ATP10A: variants seen among roughly 807,000 people sequenced by gnomAD.
The protein encoded by ATP10A is ATPase phospholipid transporting 10A (putative), also known as phospholipid-transporting ATPase VA.
A neutral mutation model predicts 147.8 loss-of-function variants in ATP10A; 111 were observed. That is an observed-to-expected ratio of 0.75 (90% CI 0.64 to 0.88). ATP10A has a LOEUF of 0.88. ATP10A is among the 40% of genes least tolerant of loss of function. The pLI is 0.00. For synonymous variants in ATP10A, 875 were observed against 841.6 expected (o/e 1.04, Z -0.69); for missense variants, 1,927 against 1,959.0 (o/e 0.98, Z 0.31).
intron 9 of ATP10A, among the ~76,000 whole-genome samples, chr15:25,716,202 A>G (rs1901795847): frequency 6.6e-6 from 1 of 152,136 alleles, no homozygotes; most frequent in Non-Finnish European, 1.5e-5. Context: ...GAGGAGGCCA[A>G]TGTGTCTCCA....
chr15:25,844,675 TC>T (rs2140897328), intron 1 of ATP10A, among the ~76,000 whole-genome samples: 1 of 152,228 alleles, frequency 6.6e-6, no homozygotes, highest in African/African-American at 2.4e-5. Flanking sequence ...CTCCTGCCCC[TC>T]CTGGCTGGAC....
intron 1 of ATP10A, among the ~76,000 whole-genome samples, chr15:25,807,242 C>T (rs1193399471): frequency 1.3e-5 from 2 of 152,228 alleles, no homozygotes; most frequent in African/African-American, 2.4e-5. Flanking sequence ...TCGACCCTGT[C>T]CTGAGCACCC....
chr15:25,830,199 G>C (rs140816928), intron 1 of ATP10A, among the ~76,000 whole-genome samples: 81 of 152,202 alleles, frequency 5.3e-4, no homozygotes, highest in Middle Eastern at 6.8e-3. Flanking sequence ...ATGCAGGAGA[G>C]GGGGTGCAGC....
At chr15:25,809,767 T>C (rs529234580) in intron 1 of ATP10A, among the ~76,000 whole-genome samples, 1 of 152,182 alleles carries the variant, frequency 6.6e-6, no homozygotes, top group African/African-American at 2.4e-5. Context: ...CAACATACTG[T>C]AACTTAAGCA....
intron 1 of ATP10A, among the ~76,000 whole-genome samples, chr15:25,810,319 G>A (rs910113829): frequency 1.3e-5 from 2 of 152,206 alleles, no homozygotes; most frequent in African/African-American, 4.8e-5. Context: ...CCCACAGGGA[G>A]GACAGCTCTG....
chr15:25,765,054 C>T (rs567526217), intron 2 of ATP10A, among the ~76,000 whole-genome samples: 7 of 152,156 alleles, frequency 4.6e-5, no homozygotes, highest in African/African-American at 1.4e-4. Context: ...TGCTTCTAGA[C>T]GATTTTCTCC....
intron 1 of ATP10A, among the ~76,000 whole-genome samples, chr15:25,800,314 T>C (rs1890879350): frequency 6.6e-6 from 1 of 152,124 alleles, no homozygotes; most frequent in Non-Finnish European, 1.5e-5. Flanking sequence ...GATAAGCCGC[T>C]TCCCTTGCTC....
chr15:25,809,302 A>C (rs369354163), intron 1 of ATP10A, among the ~76,000 whole-genome samples: 1 of 152,168 alleles, frequency 6.6e-6, no homozygotes, highest in South Asian at 2.1e-4. Flanking sequence ...GGGGTGAGAC[A>C]TGACCCAGGC....
chr15:25,765,086 G>A lies in ATP10A; in HGVS notation c.654+15933C>T, dbSNP rs1280001948. On this transcript the variant is annotated intron_variant, in intron 2 of 20. Transcript: ENST00000555815. ...CTCCTTGAAGCCTAGACTTTAAACA[G>A]CCCTGATGTTTCAGGTGAAGGATCT... Among the ~76,000 whole-genome samples the A allele has an allele frequency of 2.6e-5, 4 of 152,186 alleles. No homozygotes were observed. In the East Asian group the frequency reaches 5.8e-4, roughly 22 times the overall value.
At chr15:25,711,549 G>A (rs529902709) in intron 10 of ATP10A, among the ~76,000 whole-genome samples, 1 of 152,106 alleles carries the variant, frequency 6.6e-6, no homozygotes, top group African/African-American at 2.4e-5. Context: ...AACCTGCCCA[G>A]TGTTGACACG....
rs765201119 is a variant in ATP10A at position 25,694,907 on chromosome 15, G to A, written c.3000C>T (p.Ser1000=). 86 of 1,614,016 alleles carry A rather than the reference G, an allele frequency of 5.3e-5. No individual in the cohort carries two copies. The Admixed American group carries it at 6.7e-4, about 13-fold the overall frequency. The change falls in exon 14 of 21, where the codon TCC becomes TCT. Residue 1000 remains serine, a synonymous_variant. Transcript: ENST00000555815. ...GAGGCGTCGACCGACAGCAGAGGAC[G>A]GAGCGGCACTGCTTGGCAAGGAAGA... ...KFLFLAKQCR[S]VLCCRSTPLQ...
At chr15:25,729,806 C>T (rs979925779) in intron 3 of ATP10A, among the ~76,000 whole-genome samples, 83 of 152,320 alleles carry the variant, frequency 5.4e-4, no homozygotes, top group Middle Eastern at 3.4e-3. Flanking sequence ...CCAGGCCAGC[C>T]GGCAGTATTC....
chr15:25,862,626 C>A, intron 1 of ATP10A, 22 bp downstream of exon 1: 1 of 1,532,636 alleles, frequency 6.5e-7, no homozygotes, highest in Non-Finnish European at 8.8e-7. Flanking sequence ...CGCGCGCTCG[C>A]TCGCCCGCCC....
rs767096030 is a variant in ATP10A, at chr15:25,679,469, G to A, written c.4372C>T (p.Arg1458Trp). The A allele has an allele frequency of 1.4e-5, 23 of 1,613,874 alleles. No individual in the cohort carries two copies. Among genetic ancestry groups the A allele is most frequent in the South Asian group, 4.4e-5 (4 of 91,066 alleles). ...TGTCCATCTGCAAGCTGCTCCGTCC[G>A]GGAGAACTGTAAGACACTCCCCAGC... ...SRLGSVLQFSRTEQLADGQAG... is the reference protein window; with the variant it reads ...SRLGSVLQFSWTEQLADGQAG... The change falls in exon 21 of 21, where the codon CGG becomes TGG. Residue 1458 changes from arginine (R) to tryptophan (W), a missense_variant. Physicochemically the swap from Arg to Trp is moderately radical, Grantham distance 101. Coordinates refer to ENST00000555815, the MANE Select transcript of ATP10A (RefSeq NM_024490.4).
intron 1 of ATP10A, among the ~76,000 whole-genome samples, chr15:25,842,268 G>T (rs189443295): frequency 3.0e-4 from 45 of 152,146 alleles, no homozygotes; most frequent in African/African-American, 1.1e-3. Context: ...CTCTATACCT[G>T]TTGGCGGTTC....
At chr15:25,778,181 C>T (rs1010642527) in intron 2 of ATP10A, among the ~76,000 whole-genome samples, 2 of 152,030 alleles carry the variant, frequency 1.3e-5, no homozygotes, top group African/African-American at 4.8e-5. Context: ...AAGTGATTTG[C>T]AAAGGGGCTC....
intron 3 of ATP10A, among the ~76,000 whole-genome samples, chr15:25,733,219 G>A (rs79667463): frequency 7.8e-4 from 119 of 152,292 alleles, no homozygotes; most frequent in Non-Finnish European, 5.4e-4. Context: ...GCCAGTGGGA[G>A]GAAGCAAACC....
At position 25,695,079 on chromosome 15, in the gene ATP10A, G is replaced by A. The variant is rs762933578; in HGVS notation, c.2828C>T (p.Pro943Leu). The change falls in exon 14 of 21, where the codon CCT (proline) becomes CTT (leucine). Residue 943 changes from proline to leucine, a missense_variant. Transcript: ENST00000555815. ...GCTCACTTTGCCCTTGGTCTTCTCA[G>A]GGGCTCTCTGGAGGCCTCTGGACTG... The part of the protein sequence containing the change: ...YVQSRGLQRA[P>L]EKTKGKVSMR... 1 of 1,614,058 alleles carries A rather than the reference G, an allele frequency of 6.2e-7. No homozygotes were observed. The highest frequency in any genetic ancestry group is 1.1e-5 in the South Asian group (1 of 91,092).
At chr15:25,703,871 T>C (rs1335152148) in intron 12 of ATP10A, among the ~76,000 whole-genome samples, 1 of 152,166 alleles carries the variant, frequency 6.6e-6, no homozygotes, top group African/African-American at 2.4e-5. Context: ...ATGTGGGAAC[T>C]TGGGGAGGGC....
Sources: gnomAD v4.1 joint callset for allele counts (sites outside exome capture counted in the v4.1 genomes callset) on GRCh38, gnomAD v4.1.1 for gene constraint, MANE v1.5 for transcripts, NCBI Gene and HGNC (gene_info 2026-07-23, HGNC 2026-07-21) for gene names.